The following KAZN variants were observed in gnomAD, a reference collection of about 807,000 sequenced individuals.
KAZN encodes the protein kazrin.
KAZN carries 40 observed loss-of-function variants against 87.4 expected under a neutral mutation model. The observed-to-expected ratio is 0.46, with a 90% CI of 0.36 to 0.60. The LOEUF (loss-of-function observed/expected upper bound fraction) is 0.60. Among genes scored for constraint, KAZN ranks in the 20% least tolerant of loss-of-function variants. The pLI is 0.00. For synonymous variants in KAZN, 466 were observed against 458.3 expected (o/e 1.02, Z -0.22); for missense variants, 898 against 1,073.9 (o/e 0.84, Z 2.29).
intron 1 of KAZN, among the ~76,000 whole-genome samples, chr1:13,907,341 T>A (rs144716332): frequency 0.017 from 2,639 of 152,310 alleles, 26 homozygotes; most frequent in Non-Finnish European, 0.025. Context: ...CCCTGGGGAC[T>A]GTGCCAGGAT....
chr1:14,050,791 A>G (rs1570617634), intron 1 of KAZN, among the ~76,000 whole-genome samples: 1 of 152,006 alleles, frequency 6.6e-6, no homozygotes, highest in African/African-American at 2.4e-5. Context: ...AGTGCTGAGG[A>G]CCCGGCCCAT....
intron 1 of KAZN, among the ~76,000 whole-genome samples, chr1:14,843,973 C>A (rs1212672233): frequency 6.6e-6 from 1 of 152,228 alleles, no homozygotes; most frequent in Non-Finnish European, 1.5e-5. Context: ...CAGAGGACAG[C>A]GTGGTTTTAA....
chr1:14,219,143 C>T (rs547430174), intron 2 of KAZN, among the ~76,000 whole-genome samples: 1 of 152,080 alleles, frequency 6.6e-6, no homozygotes, highest in South Asian at 2.1e-4. Flanking sequence ...CAAAGGGTAA[C>T]CTGTAGACTA....
intron 2 of KAZN, among the ~76,000 whole-genome samples, chr1:14,379,542 A>G (rs1661196427): frequency 6.6e-6 from 1 of 152,070 alleles, no homozygotes; most frequent in Non-Finnish European, 1.5e-5. Flanking sequence ...AGGCCTGCCA[A>G]CATTCACCAT....
intron 1 of KAZN, among the ~76,000 whole-genome samples, chr1:14,179,193 T>C (rs1646145047): frequency 6.6e-6 from 1 of 152,186 alleles, no homozygotes; most frequent in Admixed American, 6.5e-5. Flanking sequence ...GAGATCTAGG[T>C]GTAGCCCTCC....
At chr1:14,245,534 A>G (rs1649418752) in intron 2 of KAZN, among the ~76,000 whole-genome samples, 1 of 152,184 alleles carries the variant, frequency 6.6e-6, no homozygotes, top group Admixed American at 6.5e-5. Flanking sequence ...GATAAAAAAA[A>G]TCCTGCAGTG....
chr1:13,999,633 C>G (rs531531626), intron 1 of KAZN, among the ~76,000 whole-genome samples: 3 of 152,208 alleles, frequency 2.0e-5, no homozygotes, highest in South Asian at 2.1e-4. Context: ...CCTAACATCA[C>G]AATTTAAAGA....
intron 2 of KAZN, among the ~76,000 whole-genome samples, chr1:14,589,872 G>A (rs913731284): frequency 1.3e-5 from 2 of 152,128 alleles, no homozygotes; most frequent in East Asian, 3.9e-4. Flanking sequence ...CATCCTGGGA[G>A]TAGAAAGAAA....
rs1483037758 is a variant in KAZN, at chr1:14,514,594, T to TA, written c.250-84389_250-84388insA. 2.0e-4 allele frequency among the ~76,000 whole-genome samples: 6 copies of TA among 29,744 alleles called. No individual in the cohort carries two copies. The East Asian group carries it at 3.4e-3, about 17-fold the overall frequency. The allele number at this position is 29,744 out of a possible 152,430, so 19.5% of individuals were successfully genotyped here. On this transcript the variant is annotated intron_variant, in intron 2 of 16. Transcript: ENST00000636203. ...ATATATTTTATATATTTTTTTATAT[T>TA]TTATATATATATATATATATATATA...
At chr1:13,985,800 A>G (rs1016604761) in intron 1 of KAZN, among the ~76,000 whole-genome samples, 6 of 152,218 alleles carry the variant, frequency 3.9e-5, no homozygotes, top group African/African-American at 1.4e-4. Flanking sequence ...TGTGACTAGC[A>G]TCTTTCACTT....
At chr1:14,216,732 G>A (rs1646964068) in intron 2 of KAZN, among the ~76,000 whole-genome samples, 1 of 151,934 alleles carries the variant, frequency 6.6e-6, no homozygotes, top group Non-Finnish European at 1.5e-5. Context: ...GCAAAACCCC[G>A]TCTCTACTAA....
chr1:14,963,918 G>T (rs559878900), intron 2 of KAZN, among the ~76,000 whole-genome samples: 3 of 152,168 alleles, frequency 2.0e-5, no homozygotes, highest in South Asian at 4.1e-4. Flanking sequence ...TGCTGAGAAT[G>T]ATGGTTTCTA....
At chr1:14,905,863 T>C (rs2101322751) in intron 1 of KAZN, among the ~76,000 whole-genome samples, 1 of 139,030 alleles carries the variant, frequency 7.2e-6, no homozygotes, top group Admixed American at 7.4e-5. Flanking sequence ...ATAATAATAA[T>C]AATAATAATA....
chr1:14,294,702 C>T (rs1392168776), intron 2 of KAZN, among the ~76,000 whole-genome samples: 1 of 146,124 alleles, frequency 6.8e-6, no homozygotes, highest in African/African-American at 2.5e-5. Context: ...AGGTTTTATA[C>T]TTCTGGAAAA....
intron 2 of KAZN, among the ~76,000 whole-genome samples, chr1:14,252,361 T>C (rs1054835354): frequency 2.6e-5 from 4 of 152,200 alleles, no homozygotes; most frequent in Non-Finnish European, 1.5e-5. Flanking sequence ...TGGCTTTAAT[T>C]AGGGACTGGC....
intron 2 of KAZN, among the ~76,000 whole-genome samples, chr1:14,506,524 G>T (rs75312305): frequency 6.6e-6 from 1 of 152,124 alleles, no homozygotes; most frequent in Non-Finnish European, 1.5e-5. Context: ...GTTCTGCTGC[G>T]CACTCACCTG....
At chr1:14,865,198 C>T (rs1260958380) in intron 1 of KAZN, among the ~76,000 whole-genome samples, 2 of 152,194 alleles carry the variant, frequency 1.3e-5, no homozygotes, top group Non-Finnish European at 2.9e-5. Context: ...ACTAGACAAA[C>T]TTCCCATCTG....
intron 2 of KAZN, among the ~76,000 whole-genome samples, chr1:14,214,241 C>CTTTCTTTA (rs148821809): frequency 0.95 from 144,770 of 151,926 alleles, 69,039 homozygotes; most frequent in East Asian, 1. Flanking sequence ...CTCCGGCTTT[C>CTTTCTTTA]TTTGGAGTGT....
In KAZN at chr1:15,117,218, G is replaced by C. The variant is rs143650411; in HGVS notation, c.*2583G>C. On this transcript the variant is annotated 3_prime_UTR_variant, in exon 15 of 15. Transcript: ENST00000376030. ...CTACAGAGGGGCCAGCTCCAGAACA[G>C]TGACCAGCTACATCCTGTCCAAGCA... is the stretch of plus-strand genomic sequence containing the variant. The C allele has an allele frequency of 3.9e-5, 6 of 152,398 alleles. No homozygotes were observed. The highest frequency in any genetic ancestry group is 1.4e-4 in the African/African-American group (6 of 41,586). 9.4% of individuals were successfully genotyped at this position (152,398 alleles called of 1,614,324 possible).
Sources: allele counts gnomAD v4.1 joint callset (sites outside exome capture counted in the v4.1 genomes callset), GRCh38; gene constraint gnomAD v4.1.1; transcripts MANE v1.5; gene names NCBI Gene and HGNC (gene_info 2026-07-23, HGNC 2026-07-21).